Variants in SYT9 observed in about 807,000 individuals in gnomAD.
SYT9 encodes the protein synaptotagmin 9, also known as synaptotagmin-9.
In SYT9, 22 loss-of-function variants were observed where a neutral mutation model predicts 48.4. That is an observed-to-expected ratio of 0.45 (90% confidence interval 0.32 to 0.65). The LOEUF (loss-of-function observed/expected upper bound fraction) is 0.65, where lower values mean the gene tolerates loss of function less well. Among genes scored for constraint, SYT9 ranks in the 30% least tolerant of loss-of-function variants. The probability of loss-of-function intolerance (pLI) is 0.03; values close to 1 mark genes in which losing one functional copy is unlikely to be tolerated. For synonymous variants in SYT9, 265 were observed against 245.0 expected (o/e 1.08, Z -0.76); for missense variants, 577 against 622.0 (o/e 0.93, Z 0.77).
intron 3 of SYT9, among the ~76,000 whole-genome samples, chr11:7,391,804 T>C (rs538556479): frequency 1.6e-4 from 22 of 135,558 alleles, no homozygotes; most frequent in Middle Eastern, 8.2e-3. Flanking sequence ...TAGTCCCAGC[T>C]ACTCGGGAAC....
In SYT9 at chr11:7,371,671, C is replaced by T. The variant is rs568633410; in HGVS notation, c.1045-44371C>T. Among the ~76,000 whole-genome samples the T allele has an allele frequency of 5.1e-4, 77 of 152,250 alleles. No homozygotes were observed. In the Middle Eastern group the frequency reaches 0.014, roughly 27 times the overall value. ...TTTTCATCACCCTAGAAAGTTTTCT[C>T]ATGCCCTGTTCCAGTCAGTACCCCC... On this transcript the variant is annotated intron_variant, in intron 3 of 6. Transcript: ENST00000318881.
chr11:7,355,191 C>T (rs767500898), intron 3 of SYT9, among the ~76,000 whole-genome samples: 1 of 152,208 alleles, frequency 6.6e-6, no homozygotes, highest in Non-Finnish European at 1.5e-5. Flanking sequence ...CTATCGGACT[C>T]CTAGATGGGA....
Position 7,252,091 on chromosome 11 carries a change from G to A in SYT9, c.-96G>A, listed in dbSNP as rs2119751708. ...TTTCTCGGCAGGTCCCTGGCGGTGA[G>A]CGCGGACGGCCCGGAGGCGGCGGCT... On this transcript the variant is annotated 5_prime_UTR_variant, in exon 1 of 7. Coordinates refer to ENST00000318881, the MANE Select transcript of SYT9 (RefSeq NM_175733.4). This position sits in a 1 kb window ranked among gnomAD's most constrained non-coding sequence, Gnocchi z 6.3. 7.8e-7 allele frequency: 1 copy of A among 1,282,852 alleles called. No individual in the cohort carries two copies. Among genetic ancestry groups the A allele is most frequent in the Non-Finnish European group, 9.9e-7 (1 of 1,005,938 alleles). The allele number at this position is 1,282,852 out of a possible 1,614,324, so 79.5% of individuals were successfully genotyped here. A position where few individuals can be genotyped will look rare whatever the true frequency, so the allele number is the denominator to read the frequency against.
At chr11:7,284,476 G>A (rs10743014) in intron 1 of SYT9, among the ~76,000 whole-genome samples, 130,740 of 152,098 alleles carry the variant, frequency 0.86, 56,389 homozygotes, top group South Asian at 0.91. Context: ...ATATTAAATA[G>A]TGATTTGGCT....
At chr11:7,454,670 C>A (rs1248114407) in intron 6 of SYT9, among the ~76,000 whole-genome samples, 1 of 152,228 alleles carries the variant, frequency 6.6e-6, no homozygotes, top group African/African-American at 2.4e-5. Context: ...ATAACACAGC[C>A]TCTCATTCTG....
intron 1 of SYT9, among the ~76,000 whole-genome samples, chr11:7,295,703 C>T (rs1848790891): frequency 6.6e-6 from 1 of 152,078 alleles, no homozygotes; most frequent in Non-Finnish European, 1.5e-5. Context: ...CAACAGCACC[C>T]CCATTTCTTG....
intron 2 of SYT9, among the ~76,000 whole-genome samples, chr11:7,305,879 C>A (rs373530340): frequency 1.3e-5 from 2 of 152,202 alleles, no homozygotes; most frequent in South Asian, 2.1e-4. Context: ...CCATTGACAT[C>A]AAAAATCTCA....
At chr11:7,250,444 C>A (rs1847848161), upstream of SYT9, among the ~76,000 whole-genome samples, 1 of 107,982 alleles carries the variant, frequency 9.3e-6, no homozygotes, top group Non-Finnish European at 1.9e-5. Context: ...TATATGTCCC[C>A]CCCGCCACCC....
chr11:7,456,376 G>A (rs2134154182), intron 6 of SYT9, among the ~76,000 whole-genome samples: 1 of 152,358 alleles, frequency 6.6e-6, no homozygotes, highest in South Asian at 2.1e-4. Context: ...TCTGCACACA[G>A]CTCCTCACAG....
chr11:7,270,095 T>C (rs1848266364), intron 1 of SYT9, among the ~76,000 whole-genome samples: 1 of 152,168 alleles, frequency 6.6e-6, no homozygotes, highest in African/African-American at 2.4e-5. Flanking sequence ...AGTAAGACAT[T>C]TGACTGTCTG....
chr11:7,418,084 C>T lies in SYT9; in HGVS notation c.1293C>T (p.Asn431=). The change falls in exon 5 of 7, where the codon AAC becomes AAT. Residue 431 remains asparagine, a synonymous_variant. Transcript: ENST00000318881. The part of the protein sequence containing the change: ...EAIVFDVPPE[N]IDQIHLSIAV... Reference sequence around the variant, plus strand: ...TAGTCTTTGATGTCCCTCCCGAGAACATTGACCAAATCCACTTGTCCATAG... The same window carrying T: ...TAGTCTTTGATGTCCCTCCCGAGAATATTGACCAAATCCACTTGTCCATAG... 3.1e-6 allele frequency: 5 copies of T among 1,614,124 alleles called. No homozygotes were observed. The highest frequency in any genetic ancestry group is 4.2e-6 in the Non-Finnish European group (5 of 1,180,022).
chr11:7,315,732 T>C (rs1037734502), intron 3 of SYT9, among the ~76,000 whole-genome samples: 5 of 152,114 alleles, frequency 3.3e-5, no homozygotes, highest in Admixed American at 1.3e-4. Context: ...AACAAGAATA[T>C]GGAGTGGCAG....
intron 3 of SYT9, among the ~76,000 whole-genome samples, chr11:7,340,389 C>T (rs1849692827): frequency 6.6e-6 from 1 of 152,132 alleles, no homozygotes; most frequent in Non-Finnish European, 1.5e-5. Flanking sequence ...TGTAACAAAC[C>T]CTTGTTAAAG....
intron 3 of SYT9, among the ~76,000 whole-genome samples, chr11:7,330,824 G>A (rs1247743438): frequency 6.6e-6 from 1 of 152,082 alleles, no homozygotes; most frequent in African/African-American, 2.4e-5. Flanking sequence ...AGCCTCCTGA[G>A]TAGCTGGGAA....
intron 3 of SYT9, among the ~76,000 whole-genome samples, chr11:7,377,772 G>T (rs1472338955): frequency 6.6e-6 from 1 of 152,108 alleles, no homozygotes; most frequent in Non-Finnish European, 1.5e-5. Flanking sequence ...CTCTTTACTA[G>T]CCACTAAGAG....
chr11:7,431,237 A>G lies in SYT9; in HGVS notation c.1467+10602A>G, dbSNP rs1204982693. ...ATGCTTTAGCAAAGAACTCGGTTGTATTGTGTCCATACCTTAGGGATTTGT... is the reference window on the plus strand; with the variant it reads ...ATGCTTTAGCAAAGAACTCGGTTGTGTTGTGTCCATACCTTAGGGATTTGT... On this transcript the variant is annotated intron_variant, in intron 6 of 6. Coordinates refer to ENST00000318881, the MANE Select transcript of SYT9 (RefSeq NM_175733.4). 9.9e-5 allele frequency among the ~76,000 whole-genome samples: 15 copies of G among 152,202 alleles called. 1 individual carries two copies. Among genetic ancestry groups the G allele is most frequent in the Admixed American group, 9.8e-4 (15 of 15,270 alleles).
intron 3 of SYT9, among the ~76,000 whole-genome samples, chr11:7,415,572 A>G (rs1435212310): frequency 6.6e-6 from 1 of 151,948 alleles, no homozygotes; most frequent in African/African-American, 2.4e-5. Flanking sequence ...GTGCAGAGCT[A>G]CCCTGGGCCG....
At chr11:7,276,080 C>T (rs1848385408) in intron 1 of SYT9, among the ~76,000 whole-genome samples, 1 of 152,156 alleles carries the variant, frequency 6.6e-6, no homozygotes. Context: ...TCCCCCACCC[C>T]CAGACTGATT....
chr11:7,337,720 G>T (rs1325202641), intron 3 of SYT9, among the ~76,000 whole-genome samples: 1 of 152,152 alleles, frequency 6.6e-6, no homozygotes, highest in Non-Finnish European at 1.5e-5. Flanking sequence ...AAGCCTACTT[G>T]ATTGTGGTGG....
Sources: allele counts gnomAD v4.1 joint callset (sites outside exome capture counted in the v4.1 genomes callset), GRCh38; gene constraint gnomAD v4.1.1; non-coding constraint Gnocchi (gnomAD v3.1); transcripts MANE v1.5; gene names NCBI Gene and HGNC (gene_info 2026-07-23, HGNC 2026-07-21).